OLA1: variants seen among roughly 807,000 people sequenced by gnomAD.
OLA1 encodes the protein obg-like ATPase 1.
In OLA1, 14 loss-of-function variants were observed where a neutral mutation model predicts 48.4. The observed-to-expected ratio is 0.29, with a 90% CI of 0.19 to 0.45. OLA1 has a LOEUF of 0.45. OLA1 is among the 20% of genes least tolerant of loss of function. The pLI is 1.00. For synonymous variants in OLA1, 127 were observed against 150.4 expected (o/e 0.84, Z 1.14); for missense variants, 325 against 467.1 (o/e 0.70, Z 2.80).
At chr2:174,155,761 G>A (rs562506103) in intron 4 of OLA1, among the ~76,000 whole-genome samples, 7 of 152,284 alleles carry the variant, frequency 4.6e-5, no homozygotes, top group Non-Finnish European at 5.9e-5. Context: ...AAGACAGACC[G>A]AGAGAGCAGG....
intron 4 of OLA1, among the ~76,000 whole-genome samples, chr2:174,167,314 G>A (rs1356860997): frequency 2.0e-5 from 3 of 152,168 alleles, no homozygotes; most frequent in South Asian, 2.1e-4. Flanking sequence ...AGTGGCTCAC[G>A]CCTGTAATCC....
At chr2:174,127,782 G>A (rs1686076453) in intron 5 of OLA1, among the ~76,000 whole-genome samples, 1 of 152,064 alleles carries the variant, frequency 6.6e-6, no homozygotes, top group African/African-American at 2.4e-5. Context: ...CAGACCAGAG[G>A]TTGAGACACT....
In OLA1 at chr2:174,195,020, G is replaced by T. The variant is rs922761339; in HGVS notation, c.373+28013C>A. Among the ~76,000 whole-genome samples the T allele has an allele frequency of 5.3e-5, 8 of 151,922 alleles. No homozygotes were observed. In the East Asian group the frequency reaches 9.7e-4, roughly 18 times the overall value. On this transcript the variant is annotated intron_variant, in intron 4 of 10. Coordinates refer to ENST00000284719, the MANE Select transcript of OLA1 (RefSeq NM_013341.5). ...CAGATCGGAAGGGACCCACGATATG[G>T]TCTGCAGTTTCAGTTAAACATCCTA...
chr2:174,203,488 A>G (rs960702608), intron 4 of OLA1, among the ~76,000 whole-genome samples: 14 of 143,994 alleles, frequency 9.7e-5, no homozygotes, highest in African/African-American at 2.6e-5. Context: ...TTTTTAAGAG[A>G]TGGGGTCTTG....
intron 7 of OLA1, among the ~76,000 whole-genome samples, chr2:174,090,693 GA>G (rs1685095008): frequency 1.3e-5 from 2 of 152,198 alleles, no homozygotes; most frequent in South Asian, 4.1e-4. Context: ...GGAAAGATGG[GA>G]AAACCCTTGT....
At chr2:174,188,195 CAAGG>C (rs1687696580) in intron 4 of OLA1, among the ~76,000 whole-genome samples, 1 of 152,020 alleles carries the variant, frequency 6.6e-6, no homozygotes, top group South Asian at 2.1e-4. Flanking sequence ...CATAACAGAA[CAAGG>C]AATCATGTCA....
At chr2:174,076,455 A>G (rs1684740509) in intron 10 of OLA1, among the ~76,000 whole-genome samples, 1 of 152,130 alleles carries the variant, frequency 6.6e-6, no homozygotes, top group African/African-American at 2.4e-5. Flanking sequence ...TTCTGTTAGA[A>G]TGTATTGAGA....
intron 4 of OLA1, among the ~76,000 whole-genome samples, chr2:174,182,290 C>T (rs564414055): frequency 2.0e-5 from 3 of 152,234 alleles, no homozygotes; most frequent in East Asian, 1.9e-4. Context: ...TTTGGGAGGC[C>T]GAGGTGGGCG....
chr2:174,158,748 A>C (rs1174502813), intron 4 of OLA1, among the ~76,000 whole-genome samples: 1 of 152,150 alleles, frequency 6.6e-6, no homozygotes, highest in Non-Finnish European at 1.5e-5. Flanking sequence ...TTTAGAGCAA[A>C]AAACAGGGGG....
Position 174,226,056 on chromosome 2 carries a change from G to A in OLA1, c.246-2896C>T, listed in dbSNP as rs994955689. Among the ~76,000 whole-genome samples, 22 of 103,234 alleles carry A rather than the reference G, an allele frequency of 2.1e-4. 5 individuals carry two copies. The South Asian group carries it at 2.8e-3, about 13-fold the overall frequency. 67.7% of individuals were successfully genotyped at this position (103,234 alleles called of 152,430 possible). On this transcript the variant is annotated intron_variant, in intron 3 of 10. Transcript: ENST00000284719. ...AAAAAAAAATACAAAAAAATTAGCC[G>A]GGCGTAGTGGCGGGCGCCTGTAGTC...
chr2:174,217,292 G>C (rs1251068739), intron 4 of OLA1, among the ~76,000 whole-genome samples: 1 of 151,618 alleles, frequency 6.6e-6, no homozygotes, highest in East Asian at 1.9e-4. Flanking sequence ...TCGCACTCCT[G>C]GGCTCAACTA....
At chr2:174,247,615 T>A (rs977302475) in intron 1 of OLA1, 1 of 1,548,806 alleles carries the variant, frequency 6.5e-7, no homozygotes, top group South Asian at 1.2e-5. Flanking sequence ...TAATCTGGAA[T>A]CTTATCTTTC....
chr2:174,187,276 A>G (rs554611995), intron 4 of OLA1, among the ~76,000 whole-genome samples: 2 of 152,316 alleles, frequency 1.3e-5, no homozygotes, highest in East Asian at 3.9e-4. Flanking sequence ...GCTCGAGAAA[A>G]ATCACTACTG....
rs146166334 is a variant in OLA1, at chr2:174,099,433, C to T, written c.729-17369G>A. Among the ~76,000 whole-genome samples, 1,053 of 152,250 alleles carry T rather than the reference C, an allele frequency of 6.9e-3. 15 individuals carry two copies. Among genetic ancestry groups the T allele is most frequent in the African/African-American group, 0.023 (955 of 41,542 alleles). ...CCTCCTGAAGTGCTGGGGTTACAGG[C>T]GTGAGCCACTGCGCCTGGCCGACTT... On this transcript the variant is annotated intron_variant, in intron 7 of 10. Coordinates refer to ENST00000284719, the MANE Select transcript of OLA1 (RefSeq NM_013341.5).
intron 4 of OLA1, among the ~76,000 whole-genome samples, chr2:174,145,686 A>C (rs1489365684): frequency 2.0e-5 from 3 of 152,226 alleles, no homozygotes; most frequent in Non-Finnish European, 2.9e-5. Flanking sequence ...CAATTTTGAC[A>C]TGTGATACTA....
chr2:174,081,080 A>C (rs1684842799), intron 9 of OLA1, 72 bp downstream of exon 9: 1 of 1,303,894 alleles, frequency 7.7e-7, no homozygotes, highest in Non-Finnish European at 1.1e-6. Context: ...GACAAACTTC[A>C]AAGTCAGTGA....
rs1684659288 is a variant in OLA1 at position 174,073,679 on chromosome 2, A to C, written c.*1747T>G. 6.6e-6 allele frequency: 1 copy of C among 152,228 alleles called. No homozygotes were observed. 9.4% of individuals were successfully genotyped at this position (152,228 alleles called of 1,614,324 possible). On this transcript the variant is annotated 3_prime_UTR_variant, in exon 11 of 11. Transcript: ENST00000284719. ...AATTGCATGATCCTAATGTCTTTTT[A>C]CTGATTTCAAACTTCTTTAAGAAGT...
At chr2:174,181,403 T>C (rs1423992158) in intron 4 of OLA1, among the ~76,000 whole-genome samples, 2 of 152,154 alleles carry the variant, frequency 1.3e-5, no homozygotes, top group Non-Finnish European at 2.9e-5. Context: ...TTTGGTGTTT[T>C]TCTTTTATGT....
chr2:174,117,723 C>T (rs767155073), intron 7 of OLA1, among the ~76,000 whole-genome samples: 12 of 152,146 alleles, frequency 7.9e-5, no homozygotes, highest in Non-Finnish European at 1.8e-4. Flanking sequence ...ACATTGTTCA[C>T]CTTTCCTTTT....
Sources: allele counts gnomAD v4.1 joint callset (sites outside exome capture counted in the v4.1 genomes callset), GRCh38; gene constraint gnomAD v4.1.1; transcripts MANE v1.5; gene names NCBI Gene and HGNC (gene_info 2026-07-23, HGNC 2026-07-21).